The following MGAT5 variants were observed in gnomAD, a reference collection of about 807,000 sequenced individuals.
MGAT5 encodes alpha-1,6-mannosylglycoprotein 6-beta-N-acetylglucosaminyltransferase A.
MGAT5 carries 30 observed loss-of-function variants against 94.3 expected under a neutral mutation model. The observed-to-expected ratio is 0.32, with a 90% CI of 0.24 to 0.43. The LOEUF (loss-of-function observed/expected upper bound fraction) is 0.43, where lower values mean the gene tolerates loss of function less well. Among genes scored for constraint, MGAT5 ranks in the 20% least tolerant of loss-of-function variants. MGAT5 has a pLI of 1.00. For missense variants in MGAT5, 691 were observed against 905.5 expected (o/e 0.76, Z 3.04); for synonymous variants, 310 against 322.9 (o/e 0.96, Z 0.43).
At chr2:134,351,343 A>C (rs1679368735) in intron 9 of MGAT5, among the ~76,000 whole-genome samples, 2 of 152,170 alleles carry the variant, frequency 1.3e-5, no homozygotes, top group South Asian at 4.1e-4. Flanking sequence ...GGCACAGAAT[A>C]GCCTAAGAAG....
chr2:134,273,005 GTGTC>G (rs1558750264), intron 2 of MGAT5, among the ~76,000 whole-genome samples: 1 of 150,928 alleles, frequency 6.6e-6, no homozygotes, highest in East Asian at 2.0e-4. Context: ...ATGTGTGTGT[GTGTC>G]TGTGTGTGTG....
chr2:134,160,101 C>T (rs1253983677), intron 1 of MGAT5, among the ~76,000 whole-genome samples: 1 of 152,142 alleles, frequency 6.6e-6, no homozygotes, highest in East Asian at 1.9e-4. Context: ...ACAAGTCAAT[C>T]AGCATATTTG....
At chr2:134,245,318 T>C (rs1682189260) in intron 1 of MGAT5, among the ~76,000 whole-genome samples, 1 of 152,154 alleles carries the variant, frequency 6.6e-6, no homozygotes, top group African/African-American at 2.4e-5. Flanking sequence ...CCCTCAGAAT[T>C]CTTGGAGTTA....
rs1222393663 is a variant in MGAT5 at position 134,209,141 on chromosome 2, ATTTTTTTTTTATT to A, written c.-142-45110_-142-45098del. 1.4e-3 allele frequency among the ~76,000 whole-genome samples: 23 copies of A among 16,084 alleles called. 8 individuals are homozygous for A. Among genetic ancestry groups the A allele is most frequent in the African/African-American group, 0.012 (16 of 1,288 alleles). 10.6% of individuals were successfully genotyped at this position (16,084 alleles called of 152,430 possible). ...GAGGGATTGTATATAGAACTGGCTT[ATTTTTTTTTTATT>A]TTTTTTTTTTTTTTTATTTTTTTTT... On this transcript the variant is annotated intron_variant, in intron 1 of 16. Coordinates refer to the MGAT5 transcript ENST00000409645.
At chr2:134,304,827 C>T (rs1466920453) in intron 2 of MGAT5, among the ~76,000 whole-genome samples, 2 of 152,192 alleles carry the variant, frequency 1.3e-5, no homozygotes, top group African/African-American at 2.4e-5. Context: ...CTTCCTGCCT[C>T]AGCCTTCTCA....
At chr2:134,432,349 A>C (rs537138986) in intron 14 of MGAT5, among the ~76,000 whole-genome samples, 1 of 152,226 alleles carries the variant, frequency 6.6e-6, no homozygotes, top group Non-Finnish European at 1.5e-5. Context: ...GGAGGGTAAA[A>C]AAAAGAGTTA....
chr2:134,121,419 C>G (rs1402466075), intron 1 of MGAT5, among the ~76,000 whole-genome samples: 1 of 152,230 alleles, frequency 6.6e-6, no homozygotes, highest in Non-Finnish European at 1.5e-5. Flanking sequence ...GTTTTGTAGC[C>G]GCCGCGCGGA....
intron 1 of MGAT5, among the ~76,000 whole-genome samples, chr2:134,255,976 G>T (rs1022474685): frequency 1.3e-5 from 2 of 152,192 alleles, no homozygotes; most frequent in African/African-American, 4.8e-5. Flanking sequence ...GTATGTGTGT[G>T]TGTGTATGTG....
rs777100879 is a variant in MGAT5, at chr2:134,403,020, A to G, written c.1413A>G (p.Thr471=). The G allele has an allele frequency of 5.0e-6, 8 of 1,607,328 alleles. No individual in the cohort carries two copies. Among genetic ancestry groups the G allele is most frequent in the Non-Finnish European group, 5.9e-6 (7 of 1,178,534 alleles). ...AGATCTACTTGGACATTATTCACAC[A>G]TACATGGAAGTGCATGCAACTGTTT... The part of the protein sequence containing the change: ...NKKIYLDIIH[T]YMEVHATVYG... Residue 471 remains threonine, a synonymous_variant, in exon 11 of 16, where the codon ACA becomes ACG. Transcript: ENST00000281923.
chr2:134,146,627 T>G (rs768884389), intron 1 of MGAT5, among the ~76,000 whole-genome samples: 45 of 152,162 alleles, frequency 3.0e-4, no homozygotes, highest in Non-Finnish European at 5.6e-4. Flanking sequence ...ACCTTACTGT[T>G]TGAAGATAAT....
At chr2:134,167,983 G>T (rs762434456) in intron 1 of MGAT5, among the ~76,000 whole-genome samples, 9 of 152,132 alleles carry the variant, frequency 5.9e-5, no homozygotes, top group Non-Finnish European at 1.0e-4. Flanking sequence ...AATCATCCTT[G>T]TCACACCTGT....
At chr2:134,295,138 A>G (rs542825028) in intron 2 of MGAT5, among the ~76,000 whole-genome samples, 16 of 152,328 alleles carry the variant, frequency 1.1e-4, no homozygotes, top group African/African-American at 1.2e-4. Flanking sequence ...CATTTCTAAC[A>G]GTAGGTTTTA....
At chr2:134,425,957 G>C (rs575227711) in intron 13 of MGAT5, among the ~76,000 whole-genome samples, 1 of 151,088 alleles carries the variant, frequency 6.6e-6, no homozygotes, top group South Asian at 2.1e-4. Flanking sequence ...TCCACAGCTG[G>C]CCTAGCTTGG....
At chr2:134,221,736 C>T (rs1680781865) in intron 1 of MGAT5, among the ~76,000 whole-genome samples, 1 of 152,134 alleles carries the variant, frequency 6.6e-6, no homozygotes. Context: ...TATACAGCAT[C>T]AAATAAAACC....
chr2:134,226,498 C>T (rs1573562110), intron 1 of MGAT5, among the ~76,000 whole-genome samples: 1 of 152,112 alleles, frequency 6.6e-6, no homozygotes, highest in African/African-American at 2.4e-5. Flanking sequence ...CTTGCTTTTA[C>T]ATACTCCTTT....
intron 9 of MGAT5, among the ~76,000 whole-genome samples, chr2:134,352,932 T>C (rs926480399): frequency 1.3e-5 from 2 of 152,212 alleles, no homozygotes; most frequent in Non-Finnish European, 1.5e-5. Flanking sequence ...CATATTATGC[T>C]AAGCGAAATA....
chr2:134,240,033 T>G (rs903436299), intron 1 of MGAT5, among the ~76,000 whole-genome samples: 21 of 152,098 alleles, frequency 1.4e-4, no homozygotes, highest in Admixed American at 1.4e-3. Flanking sequence ...GATACCTAGA[T>G]GAATATTCTT....
chr2:134,410,257 TG>T (rs1165997777), intron 11 of MGAT5, among the ~76,000 whole-genome samples: 2 of 152,250 alleles, frequency 1.3e-5, no homozygotes, highest in African/African-American at 4.8e-5. Flanking sequence ...TCTCTCCGCC[TG>T]TTGTGTTTTC....
At chr2:134,190,649 C>CTTTGT (rs967279467) in intron 1 of MGAT5, among the ~76,000 whole-genome samples, 5 of 151,600 alleles carry the variant, frequency 3.3e-5, no homozygotes, top group African/African-American at 1.2e-4. Context: ...ATCTCCTCTC[C>CTTTGT]TTTGTTTTTG....
Sources: allele counts gnomAD v4.1 joint callset (sites outside exome capture counted in the v4.1 genomes callset), GRCh38; gene constraint gnomAD v4.1.1; transcripts MANE v1.5; gene names NCBI Gene and HGNC (gene_info 2026-07-23, HGNC 2026-07-21).